ERC2: variants seen among roughly 807,000 people sequenced by gnomAD.
The protein encoded by ERC2 is ERC protein 2.
A neutral mutation model predicts 114.8 loss-of-function variants in ERC2; 42 were observed. The observed-to-expected ratio is 0.37, with a 90% CI of 0.29 to 0.47. The LOEUF (loss-of-function observed/expected upper bound fraction) is 0.47. ERC2 is among the 20% of genes least tolerant of loss of function. The probability of loss-of-function intolerance (pLI) is 0.99; values close to 1 mark genes in which losing one functional copy is unlikely to be tolerated. For missense variants in ERC2, 939 were observed against 1,150.7 expected (o/e 0.82, Z 2.66); for synonymous variants, 454 against 425.5 (o/e 1.07, Z -0.82).
intron 17 of ERC2, among the ~76,000 whole-genome samples, chr3:55,630,461 G>T (rs1473979706): frequency 2.0e-5 from 3 of 152,152 alleles, no homozygotes; most frequent in Admixed American, 6.5e-5. Flanking sequence ...GAGCCACCAC[G>T]CCCGGCCAAT....
chr3:56,323,833 T>C (rs932947660), intron 2 of ERC2, among the ~76,000 whole-genome samples: 2 of 152,298 alleles, frequency 1.3e-5, no homozygotes, highest in African/African-American at 2.4e-5. Flanking sequence ...TTTTCCATCA[T>C]AGAATCCTGA....
intron 17 of ERC2, among the ~76,000 whole-genome samples, chr3:55,643,538 C>T (rs1309384056): frequency 6.6e-6 from 1 of 152,130 alleles, no homozygotes; most frequent in Non-Finnish European, 1.5e-5. Flanking sequence ...TTGGGCAAGC[C>T]ACTCAATCTG....
At chr3:56,047,952 G>T (rs1408247346) in intron 7 of ERC2, among the ~76,000 whole-genome samples, 6 of 152,158 alleles carry the variant, frequency 3.9e-5, no homozygotes, top group Non-Finnish European at 7.3e-5. Context: ...GGCCCTAGAT[G>T]CAGTGGAATT....
intron 7 of ERC2, among the ~76,000 whole-genome samples, chr3:56,044,982 A>C (rs1327887990): frequency 6.6e-6 from 1 of 152,222 alleles, no homozygotes; most frequent in Non-Finnish European, 1.5e-5. Context: ...GTTCCATTTC[A>C]AAAACATAGT....
intron 14 of ERC2, among the ~76,000 whole-genome samples, chr3:55,857,243 C>T (rs2061828910): frequency 6.6e-6 from 1 of 152,108 alleles, no homozygotes; most frequent in Non-Finnish European, 1.5e-5. Context: ...ACAGGGAAGA[C>T]ACTATTTAGC....
intron 3 of ERC2, among the ~76,000 whole-genome samples, chr3:56,259,896 T>G (rs2052798599): frequency 6.6e-6 from 1 of 152,278 alleles, no homozygotes; most frequent in East Asian, 1.9e-4. Context: ...GGTTGGCTGA[T>G]GTTACCACAT....
intron 14 of ERC2, among the ~76,000 whole-genome samples, chr3:55,785,438 G>A (rs1415060824): frequency 6.6e-6 from 1 of 152,090 alleles, no homozygotes; most frequent in Non-Finnish European, 1.5e-5. Context: ...CTGTAATTTT[G>A]AGCCTGTTTC....
intron 2 of ERC2, among the ~76,000 whole-genome samples, chr3:56,334,764 C>G (rs1392170985): frequency 1.3e-5 from 2 of 152,066 alleles, no homozygotes; most frequent in Non-Finnish European, 2.9e-5. Context: ...GAATGTGAGG[C>G]AAAGCTTATA....
chr3:55,691,716 C>T (rs2062679836), intron 16 of ERC2, among the ~76,000 whole-genome samples: 1 of 150,994 alleles, frequency 6.6e-6, no homozygotes, highest in Non-Finnish European at 1.5e-5. Flanking sequence ...ACTAAAGATT[C>T]CTGGTTTTTT....
intron 17 of ERC2, among the ~76,000 whole-genome samples, chr3:55,600,346 T>C (rs1028450529): frequency 9.9e-5 from 15 of 152,186 alleles, no homozygotes; most frequent in Non-Finnish European, 2.9e-5. Flanking sequence ...AATTGTTGAC[T>C]TGTTGATGTA....
At chr3:55,838,090 T>C (rs1057147351) in intron 14 of ERC2, among the ~76,000 whole-genome samples, 1 of 151,684 alleles carries the variant, frequency 6.6e-6, no homozygotes, top group African/African-American at 2.4e-5. Flanking sequence ...AGAAACAGAA[T>C]TGAAAAAAAA....
chr3:56,032,858 G>GGAAAGAAA (rs149220809), intron 7 of ERC2, among the ~76,000 whole-genome samples: 115 of 68,956 alleles, frequency 1.7e-3, no homozygotes, highest in Non-Finnish European at 2.1e-3. Context: ...AAGAAAGAAA[G>GGAAAGAAA]GAAAGAAAGA....
chr3:55,959,123 A>C lies in ERC2; in HGVS notation c.2268-8563T>G, dbSNP rs550438773. Among the ~76,000 whole-genome samples the C allele has an allele frequency of 4.6e-5, 7 of 151,308 alleles. No homozygotes were observed. The South Asian group carries it at 1.5e-3, about 32-fold the overall frequency. On this transcript the variant is annotated intron_variant, in intron 12 of 17. Transcript: ENST00000288221. Reference sequence around the variant, plus strand: ...CAACCCTCTTCTAGAGCACTTATCTACTCCCCCACTTCACTCACCATTGAC... The same window carrying C: ...CAACCCTCTTCTAGAGCACTTATCTCCTCCCCCACTTCACTCACCATTGAC...
intron 7 of ERC2, among the ~76,000 whole-genome samples, chr3:56,071,731 GAGA>G (rs2076749359): frequency 6.6e-6 from 1 of 152,122 alleles, no homozygotes; most frequent in African/African-American, 2.4e-5. Context: ...TCATCTCTAG[GAGA>G]AGGACAATTT....
intron 12 of ERC2, among the ~76,000 whole-genome samples, chr3:55,958,055 G>T (rs1178622916): frequency 6.6e-6 from 1 of 152,224 alleles, no homozygotes; most frequent in East Asian, 1.9e-4. Context: ...CTTCCAGGAA[G>T]AATGAAGTAT....
At chr3:55,994,988 G>C (rs1487934327) in intron 10 of ERC2, among the ~76,000 whole-genome samples, 1 of 152,174 alleles carries the variant, frequency 6.6e-6, no homozygotes, top group Non-Finnish European at 1.5e-5. Context: ...GACTGGCCTG[G>C]TATCTATTAT....
At chr3:55,608,324 G>C (rs1326278149) in intron 17 of ERC2, among the ~76,000 whole-genome samples, 2 of 152,144 alleles carry the variant, frequency 1.3e-5, no homozygotes, top group African/African-American at 2.4e-5. Context: ...AATTTGTTTA[G>C]GTTTTCCCTC....
chr3:55,978,554 G>T (rs774819626), intron 12 of ERC2, among the ~76,000 whole-genome samples: 1 of 152,144 alleles, frequency 6.6e-6, no homozygotes, highest in Non-Finnish European at 1.5e-5. Flanking sequence ...GTTACTCTTG[G>T]CATGAAAATC....
intron 2 of ERC2, among the ~76,000 whole-genome samples, chr3:56,421,836 CT>C (rs919539706): frequency 7.2e-5 from 11 of 151,744 alleles, no homozygotes; most frequent in African/African-American, 2.2e-4. Context: ...CTCCTCCCCA[CT>C]TTTTTTTTCT....
Sources: allele counts gnomAD v4.1 joint callset (sites outside exome capture counted in the v4.1 genomes callset), GRCh38; gene constraint gnomAD v4.1.1; transcripts MANE v1.5; gene names NCBI Gene and HGNC (gene_info 2026-07-23, HGNC 2026-07-21).